The following LSAMP variants were observed in gnomAD, a reference collection of about 807,000 sequenced individuals.
The protein encoded by LSAMP is limbic system associated membrane protein, also known as limbic system-associated membrane protein.
LSAMP carries 7 observed loss-of-function variants against 38.6 expected under a neutral mutation model. That is an observed-to-expected ratio of 0.18 (90% CI 0.10 to 0.34). The LOEUF is 0.34. Among genes scored for constraint, LSAMP ranks in the 10% least tolerant of loss-of-function variants. LSAMP has a pLI of 1.00. For synonymous variants in LSAMP, 154 were observed against 166.8 expected (o/e 0.92, Z 0.59); for missense variants, 313 against 420.0 (o/e 0.75, Z 2.23).
chr3:115,913,206 GATTAA>G lies in LSAMP; in HGVS notation c.515-60594_515-60590del, dbSNP rs555922013. Among the ~76,000 whole-genome samples, 4 of 152,292 alleles carry G rather than the reference GATTAA, an allele frequency of 2.6e-5. No homozygotes were observed. The South Asian group carries it at 6.2e-4, about 24-fold the overall frequency. Reference sequence around the variant, plus strand: ...TAAATTACAGAATTTTAATGTTGATGATTAAATTAAGAGAAAAAAACTGGTCTTTA... The same window carrying G: ...TAAATTACAGAATTTTAATGTTGATGATTAAGAGAAAAAAACTGGTCTTTA... On this transcript the variant is annotated intron_variant, in intron 3 of 6. Transcript: ENST00000490035.
At chr3:116,412,386 A>G (rs1332949628) in intron 1 of LSAMP, among the ~76,000 whole-genome samples, 6 of 152,080 alleles carry the variant, frequency 3.9e-5, no homozygotes, top group Non-Finnish European at 8.8e-5. Flanking sequence ...AGGTTCCCAC[A>G]TCAAAGGCAT....
intron 3 of LSAMP, among the ~76,000 whole-genome samples, chr3:115,939,871 G>T (rs1251874953): frequency 6.6e-6 from 1 of 152,138 alleles, no homozygotes; most frequent in South Asian, 2.1e-4. Context: ...TTATGGTTTT[G>T]TGTCCAGCAT....
In LSAMP at chr3:116,016,402, C is replaced by T. The variant is rs114356054; in HGVS notation, c.514+3113G>A. Reference sequence around the variant, plus strand: ...CAATAGAAAGCTAGTTTTGCATGTGCCAGAATAGAATCTGACCTACAAAGT... The same window carrying T: ...CAATAGAAAGCTAGTTTTGCATGTGTCAGAATAGAATCTGACCTACAAAGT... On this transcript the variant is annotated intron_variant, in intron 3 of 6. Transcript: ENST00000490035. Among the ~76,000 whole-genome samples, 1,004 of 152,196 alleles carry T rather than the reference C, an allele frequency of 6.6e-3. 5 individuals carry two copies. The highest frequency in any genetic ancestry group is 0.022 in the African/African-American group (918 of 41,522).
chr3:115,826,491 C>G (rs1934413397), intron 6 of LSAMP, among the ~76,000 whole-genome samples: 1 of 152,114 alleles, frequency 6.6e-6, no homozygotes, highest in South Asian at 2.1e-4. Context: ...TTGTTCTCCC[C>G]AAACACCTAC....
chr3:115,963,228 C>T (rs2107598068), intron 3 of LSAMP, among the ~76,000 whole-genome samples: 1 of 152,200 alleles, frequency 6.6e-6, no homozygotes, highest in South Asian at 2.1e-4. Context: ...AACACATGTA[C>T]CATAATTAAT....
At chr3:116,227,858 A>T (rs1379854760) in intron 1 of LSAMP, among the ~76,000 whole-genome samples, 1 of 152,190 alleles carries the variant, frequency 6.6e-6, no homozygotes, top group Non-Finnish European at 1.5e-5. Flanking sequence ...TTTTAAACAT[A>T]GAAATTCAGT....
At chr3:116,414,470 A>G (rs2049022651) in intron 1 of LSAMP, among the ~76,000 whole-genome samples, 1 of 152,108 alleles carries the variant, frequency 6.6e-6, no homozygotes, top group African/African-American at 2.4e-5. Flanking sequence ...TTCATCAGAC[A>G]TATTTTGAAA....
rs572513471 is a variant in LSAMP, at chr3:116,348,766, A to G, written c.155+96111T>C. The stretch of plus-strand genomic sequence containing the variant: ...AAAATTTAACACATCATAAAATGAG[A>G]TGATAATATCAAAAATCTCCTGAAG... On this transcript the variant is annotated intron_variant, in intron 1 of 6. Coordinates refer to ENST00000490035, the MANE Select transcript of LSAMP (RefSeq NM_002338.5). 2.6e-5 allele frequency among the ~76,000 whole-genome samples: 4 copies of G among 152,306 alleles called. No individual in the cohort carries two copies. The East Asian group carries it at 7.7e-4, about 29-fold the overall frequency.
chr3:116,389,008 G>T (rs1196830494), intron 1 of LSAMP, among the ~76,000 whole-genome samples: 1 of 152,192 alleles, frequency 6.6e-6, no homozygotes, highest in African/African-American at 2.4e-5. Flanking sequence ...ATCTCCAGGA[G>T]AGCATTGCTA....
chr3:116,244,226 C>T (rs536534946), intron 1 of LSAMP, among the ~76,000 whole-genome samples: 34 of 152,296 alleles, frequency 2.2e-4, no homozygotes, highest in African/African-American at 7.9e-4. Flanking sequence ...CCTTTCTCAA[C>T]TTCTCCAGCA....
chr3:115,896,655 A>G (rs1936735967), intron 3 of LSAMP, among the ~76,000 whole-genome samples: 1 of 152,184 alleles, frequency 6.6e-6, no homozygotes, highest in South Asian at 2.1e-4. Flanking sequence ...CATTTGCAAA[A>G]CAATGTAGAT....
At chr3:115,950,889 A>T (rs1938266017) in intron 3 of LSAMP, among the ~76,000 whole-genome samples, 1 of 151,998 alleles carries the variant, frequency 6.6e-6, no homozygotes, top group African/African-American at 2.4e-5. Context: ...CCAAAACAGC[A>T]TGGTACTAGT....
At chr3:116,122,409 T>C (rs958189403) in intron 1 of LSAMP, among the ~76,000 whole-genome samples, 1 of 152,246 alleles carries the variant, frequency 6.6e-6, no homozygotes, top group African/African-American at 2.4e-5. Context: ...TTTTGCTTTC[T>C]AGAGCTCAGT....
intron 3 of LSAMP, among the ~76,000 whole-genome samples, chr3:115,879,494 T>C (rs1409580935): frequency 6.6e-6 from 1 of 152,148 alleles, no homozygotes; most frequent in East Asian, 1.9e-4. Flanking sequence ...GTTTATACTG[T>C]AAATAATAAA....
chr3:115,816,733 C>T lies in LSAMP; in HGVS notation c.920-6319G>A, dbSNP rs1006402946. The T allele has an allele frequency of 2.4e-5, 16 of 666,328 alleles. No homozygotes were observed. In the African/African-American group the frequency reaches 2.7e-4, roughly 11 times the overall value. 41.3% of individuals were successfully genotyped at this position (666,328 alleles called of 1,614,324 possible). On this transcript the variant is annotated intron_variant, in intron 6 of 6. Coordinates refer to ENST00000490035, the MANE Select transcript of LSAMP (RefSeq NM_002338.5). ...AACACAAAGGTAATCTGATATTCTC[C>T]ACTGAAAGGCGAATAAGAGAAAAGG...
intron 3 of LSAMP, among the ~76,000 whole-genome samples, chr3:115,893,774 AT>A (rs1201676535): frequency 1.3e-5 from 2 of 152,006 alleles, no homozygotes; most frequent in African/African-American, 4.8e-5. Context: ...TTTAACTTCT[AT>A]TTTTACTCTA....
At chr3:116,138,520 T>C (rs1385989580) in intron 1 of LSAMP, among the ~76,000 whole-genome samples, 2 of 152,048 alleles carry the variant, frequency 1.3e-5, no homozygotes, top group African/African-American at 4.8e-5. Context: ...TTTTCAGCAA[T>C]GCGGACAGTG....
intron 3 of LSAMP, among the ~76,000 whole-genome samples, chr3:115,969,438 T>C (rs1195454873): frequency 2.0e-5 from 3 of 152,204 alleles, no homozygotes; most frequent in Non-Finnish European, 4.4e-5. Context: ...AACCTTCATA[T>C]TGAAGTACAA....
intron 1 of LSAMP, among the ~76,000 whole-genome samples, chr3:116,306,812 G>A (rs895995300): frequency 2.6e-5 from 4 of 151,920 alleles, no homozygotes; most frequent in Non-Finnish European, 5.9e-5. Context: ...GCAATAAAGG[G>A]GTATAACTAT....
Sources: allele counts gnomAD v4.1 joint callset (sites outside exome capture counted in the v4.1 genomes callset), GRCh38; gene constraint gnomAD v4.1.1; transcripts MANE v1.5; gene names NCBI Gene and HGNC (gene_info 2026-07-23, HGNC 2026-07-21).